The following ADGRV1 variants were observed in gnomAD, a reference collection of about 807,000 sequenced individuals.
The protein encoded by ADGRV1 is adhesion G protein-coupled receptor V1.
A neutral mutation model predicts 596.2 loss-of-function variants in ADGRV1; 359 were observed. The ratio of observed to expected loss-of-function variants is 0.60; its 90% CI spans 0.55 to 0.66. The LOEUF (loss-of-function observed/expected upper bound fraction) is 0.66, where lower values mean the gene tolerates loss of function less well. Among genes scored for constraint, ADGRV1 ranks in the 30% least tolerant of loss-of-function variants. The pLI, the probability that ADGRV1 is intolerant of heterozygous loss-of-function variation, is 0.00. For missense variants in ADGRV1, 7,274 were observed against 7,575.6 expected (o/e 0.96, Z 1.48); for synonymous variants, 2,681 against 2,679.2 (o/e 1.00, Z -0.02).
chr5:90,592,267 T>C (rs773907894), intron 1 of ADGRV1, among the ~76,000 whole-genome samples: 1 of 152,206 alleles, frequency 6.6e-6, no homozygotes, highest in African/African-American at 2.4e-5. Flanking sequence ...ATATGTTCCA[T>C]GGAGGACTCA....
At chr5:90,873,470 A>T in intron 83 of ADGRV1, among the ~76,000 whole-genome samples, 1 of 152,100 alleles carries the variant, frequency 6.6e-6, no homozygotes, top group Admixed American at 6.5e-5. Context: ...AACTATGAGA[A>T]ATTCCACAAC....
intron 76 of ADGRV1, 64 bp downstream of exon 76, chr5:90,823,660 T>G (rs2150302391): frequency 7.1e-7 from 1 of 1,400,212 alleles, no homozygotes; most frequent in East Asian, 2.3e-5. Flanking sequence ...TTAATCATTT[T>G]AAAACCACTA....
In ADGRV1 at chr5:91,069,932, A is replaced by C. The variant is rs539056771; in HGVS notation, c.18153-2515A>C. ...CCATAGAATACAATGTAGCCACAAA[A>C]AAAAAAAAAAATGAAATCATGTCCT... On this transcript the variant is annotated intron_variant, in intron 85 of 89. Coordinates refer to ENST00000405460, the MANE Select transcript of ADGRV1 (RefSeq NM_032119.4). 3.5e-3 allele frequency among the ~76,000 whole-genome samples: 537 copies of C among 151,960 alleles called. 5 individuals carry two copies. Among genetic ancestry groups the C allele is most frequent in the Middle Eastern group, 0.014 (4 of 294 alleles).
chr5:91,029,762 T>G (rs1314681476), intron 85 of ADGRV1, among the ~76,000 whole-genome samples: 1 of 152,146 alleles, frequency 6.6e-6, no homozygotes, highest in East Asian at 1.9e-4. Context: ...AAATATCTGC[T>G]TCTAGTTTTC....
At chr5:90,820,672 T>C (rs1289782718) in intron 75 of ADGRV1, among the ~76,000 whole-genome samples, 1 of 150,336 alleles carries the variant, frequency 6.7e-6, no homozygotes, top group East Asian at 2.0e-4. Flanking sequence ...CCTTCACTTA[T>C]GAAGCTTAGT....
chr5:90,748,102 C>T (rs956472969), intron 52 of ADGRV1, among the ~76,000 whole-genome samples: 4 of 152,150 alleles, frequency 2.6e-5, no homozygotes, highest in African/African-American at 4.8e-5. Flanking sequence ...GAATTTGCTG[C>T]TCATTGAGAT....
In ADGRV1 at chr5:90,829,183, C is replaced by T; in HGVS notation, c.16608C>T (p.Thr5536=). 1 of 1,509,284 alleles carries T rather than the reference C, an allele frequency of 6.6e-7. No homozygotes were observed. Among genetic ancestry groups the T allele is most frequent in the Non-Finnish European group, 8.9e-7 (1 of 1,117,908 alleles). 93.5% of individuals were successfully genotyped at this position (1,509,284 alleles called of 1,614,324 possible). The change falls in exon 77 of 90, where the codon ACC becomes ACT. Residue 5536 remains threonine, a synonymous_variant. Transcript: ENST00000405460. The part of the protein sequence containing the change: ...TGLMMSVNFS[T]QELRSAETIG... ...TAATGATGTCTGTTAACTTTAGTAC[C>T]CAGGTAAGCATGGAATATATATATT...
Position 90,788,186 on chromosome 5 carries a change from G to A in ADGRV1, c.13769G>A (p.Arg4590Lys). 6.2e-7 allele frequency: 1 copy of A among 1,613,820 alleles called. No individual in the cohort carries two copies. The highest frequency in any genetic ancestry group is 8.5e-7 in the Non-Finnish European group (1 of 1,179,788). ...TTTGGAGAAGGAGAAGGAGGAGTGA[G>A]AACCATAATTCTGACAATCTATCCT... is the stretch of plus-strand genomic sequence containing the variant. ...FYFGEGEGGV[R>K]TIILTIYPHE... The change falls in exon 68 of 90, where the codon AGA (arginine) becomes AAA (lysine). Residue 4590 changes from arginine to lysine, a missense_variant. Transcript: ENST00000405460.
At chr5:90,792,502 T>G (rs1760196717) in intron 70 of ADGRV1, 2 of 152,184 alleles carry the variant, frequency 1.3e-5, no homozygotes, top group African/African-American at 2.4e-5. Context: ...ATTCCTACAT[T>G]CCTGTACAAT....
chr5:91,081,550 G>A (rs780932572), intron 86 of ADGRV1, among the ~76,000 whole-genome samples: 10 of 152,134 alleles, frequency 6.6e-5, no homozygotes, highest in East Asian at 1.9e-4. Flanking sequence ...TTGAGAGGCC[G>A]AGGCAGGTGA....
At chr5:91,144,933 A>G (rs1795406320) in intron 87 of ADGRV1, among the ~76,000 whole-genome samples, 1 of 152,214 alleles carries the variant, frequency 6.6e-6, no homozygotes, top group Admixed American at 6.5e-5. Context: ...TCTTTCACAG[A>G]CTGGCATACA....
chr5:90,910,146 G>A (rs1406491698), intron 83 of ADGRV1, among the ~76,000 whole-genome samples: 2 of 152,224 alleles, frequency 1.3e-5, no homozygotes, highest in Non-Finnish European at 2.9e-5. Flanking sequence ...CATTTGTAAA[G>A]TGGTCAAGTG....
At chr5:90,816,535 A>G (rs2150256700) in intron 75 of ADGRV1, among the ~76,000 whole-genome samples, 2 of 150,630 alleles carry the variant, frequency 1.3e-5, no homozygotes, top group Admixed American at 1.3e-4. Context: ...AGCATTAGGT[A>G]TATCTCCTAA....
chr5:90,634,142 G>A (rs1159591211), intron 9 of ADGRV1, among the ~76,000 whole-genome samples: 2 of 152,108 alleles, frequency 1.3e-5, no homozygotes, highest in African/African-American at 2.4e-5. Flanking sequence ...GTCCTGTGAC[G>A]ATTACCTATT....
chr5:91,100,741 G>A (rs1352163343), intron 86 of ADGRV1, among the ~76,000 whole-genome samples: 1 of 152,150 alleles, frequency 6.6e-6, no homozygotes, highest in Non-Finnish European at 1.5e-5. Context: ...TTAATCAAGT[G>A]ACCAAAATGA....
At chr5:90,975,889 C>T (rs1779530168) in intron 84 of ADGRV1, among the ~76,000 whole-genome samples, 1 of 151,646 alleles carries the variant, frequency 6.6e-6, no homozygotes, top group South Asian at 2.1e-4. Context: ...GTTATATCTA[C>T]TTTAAGAAAA....
In ADGRV1 at chr5:90,614,812, ATAT is replaced by A; in HGVS notation, c.23-21_23-19del. ...ATAGATTAGATATATTTTGTGAATA[ATAT>A]TTTTTTCTTTTTGTTTTAGGGATGC... is the stretch of plus-strand genomic sequence containing the variant. On this transcript the variant is annotated intron_variant, in intron 1 of 89. Coordinates refer to ENST00000405460, the MANE Select transcript of ADGRV1 (RefSeq NM_032119.4). 2 of 1,515,688 alleles carry A rather than the reference ATAT, an allele frequency of 1.3e-6. No individual in the cohort carries two copies. The highest frequency in any genetic ancestry group is 1.8e-6 in the Non-Finnish European group (2 of 1,097,472). 93.9% of individuals were successfully genotyped at this position (1,515,688 alleles called of 1,614,324 possible). A position where few individuals can be genotyped will look rare whatever the true frequency, so the allele number is the denominator to read the frequency against.
Position 91,130,522 on chromosome 5 carries a change from CAAAAAAA to C in ADGRV1, c.18433-19493_18433-19487del, listed in dbSNP as rs11423089. 5.5e-5 allele frequency among the ~76,000 whole-genome samples: 4 copies of C among 73,346 alleles called. No homozygotes were observed. The South Asian group carries it at 1.9e-3, about 35-fold the overall frequency. The allele number at this position is 73,346 out of a possible 152,430, so 48.1% of individuals were successfully genotyped here. A position where few individuals can be genotyped will look rare whatever the true frequency, so the allele number is the denominator to read the frequency against. ...GGGTGACAAGAGTGAAACTCCATCTCAAAAAAAAAAAAAAAAAAAAAGTCTTGATGTC... is the reference window on the plus strand; with the variant it reads ...GGGTGACAAGAGTGAAACTCCATCTCAAAAAAAAAAAAAAGTCTTGATGTC... On this transcript the variant is annotated intron_variant, in intron 87 of 89. Coordinates refer to ENST00000405460, the MANE Select transcript of ADGRV1 (RefSeq NM_032119.4).
chr5:90,710,578 C>T (rs761974461), intron 39 of ADGRV1, among the ~76,000 whole-genome samples: 8 of 151,976 alleles, frequency 5.3e-5, no homozygotes, highest in Non-Finnish European at 1.2e-4. Flanking sequence ...TTTCCTTGCA[C>T]TTCTTTCATT....
Sources: gnomAD v4.1 joint callset for allele counts (sites outside exome capture counted in the v4.1 genomes callset) on GRCh38, gnomAD v4.1.1 for gene constraint, MANE v1.5 for transcripts, NCBI Gene and HGNC (gene_info 2026-07-23, HGNC 2026-07-21) for gene names.